Variants in NEMP2 observed in about 807,000 individuals in gnomAD.
NEMP2 encodes nuclear envelope integral membrane protein 2, also known as UPF0571 transmembrane protein.
A neutral mutation model predicts 54.2 loss-of-function variants in NEMP2; 53 were observed. The observed-to-expected ratio is 0.98, with a 90% CI of 0.78 to 1.23. The LOEUF is 1.23. Among genes scored for constraint, NEMP2 ranks in the 50% most tolerant of loss-of-function variants. The probability of loss-of-function intolerance (pLI) is 0.00; values close to 1 mark genes in which losing one functional copy is unlikely to be tolerated. For missense variants in NEMP2, 455 were observed against 511.3 expected, an observed-to-expected ratio of 0.89 and a Z score of 1.06; for synonymous variants, 197 against 190.3, an observed-to-expected ratio of 1.04 and a Z score of -0.29.
At chr2:190,605,987 C>G in the NEMP2 span, among the ~76,000 whole-genome samples, 2 of 152,188 alleles carry the variant, frequency 1.3e-5, no homozygotes, top group African/African-American at 4.8e-5. Flanking sequence ...CACACTGTTT[C>G]TGGCACACCA....
the NEMP2 span, among the ~76,000 whole-genome samples, chr2:190,456,927 T>C: frequency 1.3e-5 from 2 of 152,128 alleles, no homozygotes; most frequent in African/African-American, 2.4e-5. The surrounding 1 kb of genome is among the most constrained non-coding windows in gnomAD (Gnocchi z 5.4). Flanking sequence ...TTTTCTACTT[T>C]CCTCTTACCC....
chr2:190,560,078 A>G, the NEMP2 span, among the ~76,000 whole-genome samples: 1 of 152,206 alleles, frequency 6.6e-6, no homozygotes. The surrounding 1 kb of genome is among the most constrained non-coding windows in gnomAD (Gnocchi z 5.4). Context: ...AAAGCAGAAG[A>G]CCACTTGTAA....
At chr2:190,500,193 C>T, downstream of NEMP2, 1 of 1,614,160 alleles carries the variant, frequency 6.2e-7, no homozygotes. This position sits in a 1 kb window ranked among gnomAD's most constrained non-coding sequence, Gnocchi z 5.3. Context: ...GAGCAGCAGG[C>T]TCAGCTGGCC....
chr2:190,600,472 G>A, the NEMP2 span, among the ~76,000 whole-genome samples: 8 of 152,336 alleles, frequency 5.3e-5, no homozygotes, highest in East Asian at 1.4e-3. The surrounding 1 kb of genome is among the most constrained non-coding windows in gnomAD (Gnocchi z 4.9). Flanking sequence ...GTTGGGAGGT[G>A]TGGCATAGTG....
the NEMP2 span, among the ~76,000 whole-genome samples, chr2:190,453,895 C>T: frequency 6.6e-6 from 1 of 152,188 alleles, no homozygotes; most frequent in Admixed American, 6.5e-5. Flanking sequence ...CAATTATTAT[C>T]ATACATGTCA....
the NEMP2 span, among the ~76,000 whole-genome samples, chr2:190,483,566 G>C: frequency 2.0e-5 from 3 of 152,196 alleles, no homozygotes; most frequent in African/African-American, 7.2e-5. Flanking sequence ...GTTGGGCGCA[G>C]TGGCTCACGC....
chr2:190,584,186 T>G, the NEMP2 span, among the ~76,000 whole-genome samples: 5 of 152,184 alleles, frequency 3.3e-5, no homozygotes, highest in African/African-American at 1.2e-4. This position sits in a 1 kb window ranked among gnomAD's most constrained non-coding sequence, Gnocchi z 4.2. Flanking sequence ...GAAAGTAGAA[T>G]GCTTTCCTCT....
chr2:190,469,143 T>C, the NEMP2 span, among the ~76,000 whole-genome samples: 141 of 152,306 alleles, frequency 9.3e-4, 1 homozygote, highest in African/African-American at 3.2e-3. The surrounding 1 kb of genome is among the most constrained non-coding windows in gnomAD (Gnocchi z 5.3). Flanking sequence ...TATGATACCA[T>C]GAATTTTTTA....
At chr2:190,534,368 A>G in intron 1 of NEMP2, 191 bp downstream of exon 1, 1 of 1,206,068 alleles carries the variant, frequency 8.3e-7, no homozygotes, top group Non-Finnish European at 1.0e-6. Context: ...GCCAGGCGAG[A>G]GACTACGGAA....
chr2:190,625,252 A>G, the NEMP2 span: 1 of 152,382 alleles, frequency 6.6e-6, no homozygotes, highest in African/African-American at 2.4e-5. Context: ...ACGATGGAAT[A>G]TTATTTGGCC....
the NEMP2 span, among the ~76,000 whole-genome samples, chr2:190,474,829 C>T: frequency 6.6e-6 from 1 of 152,186 alleles, no homozygotes; most frequent in East Asian, 1.9e-4. Context: ...AAAATACTGG[C>T]AAACCGAATC....
At chr2:190,567,899 G>C in the NEMP2 span, among the ~76,000 whole-genome samples, 3 of 152,060 alleles carry the variant, frequency 2.0e-5, no homozygotes, top group African/African-American at 7.2e-5. The surrounding 1 kb of genome is among the most constrained non-coding windows in gnomAD (Gnocchi z 4.0). Context: ...CGCCCGCCTT[G>C]GTCCCCCAAA....
the NEMP2 span, chr2:190,463,682 T>C: frequency 6.3e-6 from 1 of 158,368 alleles, no homozygotes; most frequent in Non-Finnish European, 1.4e-5. This position sits in a 1 kb window ranked among gnomAD's most constrained non-coding sequence, Gnocchi z 4.4. Context: ...TAGCTTGGCG[T>C]GATGGTGCAC....
the NEMP2 span, among the ~76,000 whole-genome samples, chr2:190,570,546 G>A: frequency 2.6e-5 from 4 of 152,138 alleles, no homozygotes; most frequent in Non-Finnish European, 4.4e-5. This position sits in a 1 kb window ranked among gnomAD's most constrained non-coding sequence, Gnocchi z 5.4. Context: ...CCTCCTCCTC[G>A]GAGCTGGGAG....
the NEMP2 span, among the ~76,000 whole-genome samples, chr2:190,455,161 A>G: frequency 2.6e-5 from 4 of 152,102 alleles, no homozygotes; most frequent in African/African-American, 9.7e-5. Flanking sequence ...TGTATACATT[A>G]GACACTAATA....
chr2:190,469,736 T>G, the NEMP2 span: 1 of 1,368,854 alleles, frequency 7.3e-7, no homozygotes. The surrounding 1 kb of genome is among the most constrained non-coding windows in gnomAD (Gnocchi z 5.3). Context: ...TTATTTTATT[T>G]TTATTTTTTA....
chr2:190,539,627 T>C (rs1691483686), upstream of NEMP2, among the ~76,000 whole-genome samples: 1 of 152,176 alleles, frequency 6.6e-6, no homozygotes, highest in Non-Finnish European at 1.5e-5. The surrounding 1 kb of genome is among the most constrained non-coding windows in gnomAD (Gnocchi z 4.1). Flanking sequence ...TACATAGATT[T>C]TTCACTTCAT....
the NEMP2 span, among the ~76,000 whole-genome samples, chr2:190,589,622 C>T: frequency 3.3e-5 from 5 of 152,226 alleles, no homozygotes; most frequent in East Asian, 9.6e-4. This position sits in a 1 kb window ranked among gnomAD's most constrained non-coding sequence, Gnocchi z 4.3. Flanking sequence ...CTGGTTGGTT[C>T]AATTAAGCCA....
the NEMP2 span, among the ~76,000 whole-genome samples, chr2:190,446,571 A>T: frequency 1.3e-5 from 2 of 152,206 alleles, no homozygotes; most frequent in Non-Finnish European, 1.5e-5. Context: ...AGTGTCATGA[A>T]GTTTTTAAAA....
Sources: allele counts gnomAD v4.1 joint callset (sites outside exome capture counted in the v4.1 genomes callset), GRCh38; gene constraint gnomAD v4.1.1; non-coding constraint Gnocchi (gnomAD v3.1); transcripts MANE v1.5; gene names NCBI Gene and HGNC (gene_info 2026-07-23, HGNC 2026-07-21).